Variants in COL24A1 observed in about 807,000 individuals in gnomAD.
The protein encoded by COL24A1 is collagen type XXIV alpha 1 chain.
COL24A1 carries 224 observed loss-of-function variants against 253.9 expected under a neutral mutation model. That is an observed-to-expected ratio of 0.88 (90% CI 0.79 to 0.99). The LOEUF is 0.99. Among genes scored for constraint, COL24A1 ranks in the 50% least tolerant of loss-of-function variants. The probability of loss-of-function intolerance (pLI) is 0.00; values close to 1 mark genes in which losing one functional copy is unlikely to be tolerated. For synonymous variants in COL24A1, 685 were observed against 673.7 expected, an observed-to-expected ratio of 1.02 and a Z score of -0.26; for missense variants, 2,131 against 2,068.5, an observed-to-expected ratio of 1.03 and a Z score of -0.59.
At chr1:85,777,052 C>T (rs952918442) in intron 52 of COL24A1, among the ~76,000 whole-genome samples, 5 of 151,822 alleles carry the variant, frequency 3.3e-5, no homozygotes, top group African/African-American at 2.4e-5. Flanking sequence ...TGGGTTCAAG[C>T]GATTCTCCTG....
At chr1:85,803,019 T>C (rs1250446777) in intron 47 of COL24A1, among the ~76,000 whole-genome samples, 1 of 152,246 alleles carries the variant, frequency 6.6e-6, no homozygotes, top group Admixed American at 6.5e-5. Context: ...AGAAAGCTGC[T>C]ATGGCCATTC....
At chr1:86,084,026 C>T (rs900385501) in intron 7 of COL24A1, among the ~76,000 whole-genome samples, 3 of 152,116 alleles carry the variant, frequency 2.0e-5, no homozygotes, top group South Asian at 2.1e-4. Flanking sequence ...ACAACTCTCT[C>T]GTAAAGTTTG....
chr1:85,927,139 CG>C (rs766833919), intron 24 of COL24A1, among the ~76,000 whole-genome samples: 1 of 152,094 alleles, frequency 6.6e-6, no homozygotes, highest in Non-Finnish European at 1.5e-5. Context: ...ACGCAGAAGA[CG>C]GGTGATTTCT....
chr1:85,782,133 C>G (rs1669206409), intron 51 of COL24A1, among the ~76,000 whole-genome samples: 1 of 152,204 alleles, frequency 6.6e-6, no homozygotes, highest in African/African-American at 2.4e-5. Context: ...GTCGCCCAGG[C>G]TGGAGTGCAG....
intron 32 of COL24A1, among the ~76,000 whole-genome samples, chr1:85,881,113 T>A (rs1681783117): frequency 6.6e-6 from 1 of 152,212 alleles, no homozygotes; most frequent in Non-Finnish European, 1.5e-5. Flanking sequence ...ATAATTGGTA[T>A]CATATGTTCT....
chr1:86,067,081 G>A (rs530367551), intron 7 of COL24A1, among the ~76,000 whole-genome samples: 2 of 152,004 alleles, frequency 1.3e-5, no homozygotes, highest in East Asian at 3.9e-4. Context: ...AGAGGTTGCA[G>A]TGAGCCGAGA....
intron 55 of COL24A1, among the ~76,000 whole-genome samples, chr1:85,757,541 T>C (rs1666392223): frequency 6.6e-6 from 1 of 151,536 alleles, no homozygotes; most frequent in Non-Finnish European, 1.5e-5. Flanking sequence ...TTAAACACCA[T>C]CAGTGCAGGC....
At chr1:86,126,302 C>G (rs1470044185) in intron 2 of COL24A1, 88 bp from the exon 3 acceptor site, 6 of 1,224,164 alleles carry the variant, frequency 4.9e-6, no homozygotes, top group Non-Finnish European at 6.7e-6. Flanking sequence ...TAAAAATCTT[C>G]CTTGTAGCAA....
chr1:86,002,990 G>A, intron 19 of COL24A1, among the ~76,000 whole-genome samples: 1 of 152,134 alleles, frequency 6.6e-6, no homozygotes, highest in Non-Finnish European at 1.5e-5. Flanking sequence ...CATAAGTCTA[G>A]GACATGGTAC....
intron 20 of COL24A1, among the ~76,000 whole-genome samples, chr1:85,976,720 C>G (rs1692719416): frequency 6.6e-6 from 1 of 152,168 alleles, no homozygotes; most frequent in Admixed American, 6.5e-5. Context: ...GGAGGCCAAC[C>G]AACTCAGGAT....
intron 24 of COL24A1, among the ~76,000 whole-genome samples, chr1:85,922,881 TA>T (rs1280411054): frequency 6.6e-6 from 1 of 152,086 alleles, no homozygotes; most frequent in African/African-American, 2.4e-5. Flanking sequence ...GCAAATTGGA[TA>T]AAGAGTCAAG....
At chr1:85,957,963 C>T (rs1386027813) in intron 24 of COL24A1, among the ~76,000 whole-genome samples, 2 of 152,190 alleles carry the variant, frequency 1.3e-5, no homozygotes, top group Non-Finnish European at 2.9e-5. Context: ...TCCACACCAA[C>T]TTTATTTCAG....
intron 53 of COL24A1, among the ~76,000 whole-genome samples, chr1:85,774,463 A>C (rs1668316134): frequency 6.6e-6 from 1 of 152,028 alleles, no homozygotes; most frequent in East Asian, 1.9e-4. Context: ...TCCTCCTTGT[A>C]CCTCTAGTAG....
At chr1:86,117,141 G>C (rs1399018380) in intron 3 of COL24A1, among the ~76,000 whole-genome samples, 2 of 152,174 alleles carry the variant, frequency 1.3e-5, no homozygotes, top group African/African-American at 4.8e-5. Flanking sequence ...CTCACTACTT[G>C]TGACAAAAGA....
intron 2 of COL24A1, among the ~76,000 whole-genome samples, chr1:86,130,931 C>A (rs941009216): frequency 1.3e-5 from 2 of 151,938 alleles, no homozygotes; most frequent in African/African-American, 4.8e-5. Flanking sequence ...GAAGTTTATC[C>A]TCTATTAGTT....
chr1:85,924,883 T>C (rs1687002463), intron 24 of COL24A1, among the ~76,000 whole-genome samples: 2 of 152,206 alleles, frequency 1.3e-5, no homozygotes, highest in Non-Finnish European at 2.9e-5. Flanking sequence ...AGTGAAATTG[T>C]CCATGTTTGC....
chr1:85,730,807 A>C, intron 59 of COL24A1, 115 bp from the exon 60 acceptor site: 1 of 1,070,842 alleles, frequency 9.3e-7, no homozygotes, highest in Non-Finnish European at 1.4e-6. Flanking sequence ...TAACGAATAG[A>C]AAGTGCCTAG....
intron 24 of COL24A1, among the ~76,000 whole-genome samples, chr1:85,944,592 C>T (rs562195453): frequency 1.5e-5 from 1 of 67,144 alleles, no homozygotes; most frequent in Non-Finnish European, 3.1e-5. Flanking sequence ...AGAGAAGAGA[C>T]TCTTTTTTTT....
chr1:85,734,638 T>G, intron 59 of COL24A1, 111 bp downstream of exon 59: 3 of 931,422 alleles, frequency 3.2e-6, no homozygotes, highest in Non-Finnish European at 3.4e-6. Context: ...CTTACTACCC[T>G]TCTGTATCTG....
Sources: allele counts gnomAD v4.1 joint callset (sites outside exome capture counted in the v4.1 genomes callset), GRCh38; gene constraint gnomAD v4.1.1; transcripts MANE v1.5; gene names NCBI Gene and HGNC (gene_info 2026-07-23, HGNC 2026-07-21).